The following GABRB1 variants were observed in gnomAD, a reference collection of about 807,000 sequenced individuals.
GABRB1 encodes gamma-aminobutyric acid type A receptor subunit beta1.
In GABRB1, 17 loss-of-function variants were observed where a neutral mutation model predicts 51.6. The observed-to-expected ratio is 0.33, with a 90% CI of 0.23 to 0.49. The LOEUF (loss-of-function observed/expected upper bound fraction) is 0.49. Ranked by LOEUF, GABRB1 falls within the 20% of genes least tolerant of loss-of-function variation. The pLI is 0.99. For missense variants in GABRB1, 410 were observed against 600.6 expected (o/e 0.68, Z 3.32); for synonymous variants, 247 against 218.9 (o/e 1.13, Z -1.14).
intron 5 of GABRB1, among the ~76,000 whole-genome samples, chr4:47,392,297 C>T (rs780157439): frequency 6.6e-6 from 1 of 150,930 alleles, no homozygotes; most frequent in African/African-American, 2.4e-5. Flanking sequence ...CACTACCATG[C>T]TGCAAGAGCC....
chr4:47,151,142 G>A (rs1717427327), intron 3 of GABRB1, among the ~76,000 whole-genome samples: 1 of 151,944 alleles, frequency 6.6e-6, no homozygotes, highest in South Asian at 2.1e-4. Flanking sequence ...TGATATTAAG[G>A]TTTCCAAATG....
chr4:47,054,124 AG>A (rs1331603576), intron 3 of GABRB1, among the ~76,000 whole-genome samples: 2 of 149,268 alleles, frequency 1.3e-5, no homozygotes, highest in Non-Finnish European at 3.0e-5. Context: ...TATTTTAAGA[AG>A]ATGTAAGTAA....
chr4:47,297,649 A>G (rs558862778), intron 4 of GABRB1, among the ~76,000 whole-genome samples: 2 of 152,286 alleles, frequency 1.3e-5, no homozygotes, highest in Admixed American at 1.3e-4. Flanking sequence ...CCAGGACCAG[A>G]TGGATTCACA....
At chr4:47,404,323 A>G (rs1214212401) in intron 7 of GABRB1, among the ~76,000 whole-genome samples, 1 of 152,164 alleles carries the variant, frequency 6.6e-6, no homozygotes. Context: ...TGGTTAATTA[A>G]TTGCTGAAAG....
At chr4:47,388,310 T>A (rs1323441704) in intron 5 of GABRB1, among the ~76,000 whole-genome samples, 1 of 152,164 alleles carries the variant, frequency 6.6e-6, no homozygotes, top group Non-Finnish European at 1.5e-5. Flanking sequence ...ATTAATAGAC[T>A]AGGCAGTGTA....
intron 4 of GABRB1, among the ~76,000 whole-genome samples, chr4:47,241,528 G>T (rs1721522334): frequency 6.6e-6 from 1 of 152,010 alleles, no homozygotes; most frequent in East Asian, 1.9e-4. Context: ...TTTTTCAGAA[G>T]AATTTCACCA....
intron 4 of GABRB1, among the ~76,000 whole-genome samples, chr4:47,201,924 G>T (rs1719912360): frequency 1.3e-5 from 2 of 152,220 alleles, no homozygotes; most frequent in South Asian, 4.1e-4. Context: ...AAGTACTCTT[G>T]TAGCCTTCAG....
chr4:47,260,673 G>C (rs1159700139), intron 4 of GABRB1, among the ~76,000 whole-genome samples: 1 of 152,154 alleles, frequency 6.6e-6, no homozygotes, highest in African/African-American at 2.4e-5. Flanking sequence ...CTTCTGGCTT[G>C]TAGAGTTTCT....
chr4:47,304,587 A>T (rs544716186), intron 4 of GABRB1, among the ~76,000 whole-genome samples: 1 of 152,068 alleles, frequency 6.6e-6, no homozygotes, highest in East Asian at 1.9e-4. Flanking sequence ...GCTGTCTATT[A>T]TCTCTGTTGA....
chr4:47,258,033 T>G (rs1013068531), intron 4 of GABRB1, among the ~76,000 whole-genome samples: 3 of 152,182 alleles, frequency 2.0e-5, no homozygotes, highest in Admixed American at 6.5e-5. Flanking sequence ...GTAATATTTT[T>G]AATGTGTAAA....
chr4:47,087,530 G>A (rs772499810), intron 3 of GABRB1, among the ~76,000 whole-genome samples: 110 of 149,272 alleles, frequency 7.4e-4, no homozygotes, highest in Middle Eastern at 3.4e-3. Flanking sequence ...TGCATCCCCC[G>A]TTAGCACTTT....
intron 4 of GABRB1, among the ~76,000 whole-genome samples, chr4:47,296,725 C>A (rs1388833359): frequency 1.3e-5 from 2 of 152,018 alleles, no homozygotes; most frequent in Non-Finnish European, 2.9e-5. Context: ...ACAAGGATAC[C>A]CAGGAATTGA....
chr4:47,082,286 A>C (rs1301978125), intron 3 of GABRB1, among the ~76,000 whole-genome samples: 1 of 152,056 alleles, frequency 6.6e-6, no homozygotes, highest in Non-Finnish European at 1.5e-5. Context: ...ACTTTGAAAA[A>C]TAAAAGATAA....
chr4:47,376,341 C>A (rs961573134), intron 5 of GABRB1, among the ~76,000 whole-genome samples: 5 of 152,278 alleles, frequency 3.3e-5, no homozygotes, highest in African/African-American at 1.2e-4. Flanking sequence ...CCCAGAGGAT[C>A]TGGCGGTTAA....
intron 4 of GABRB1, among the ~76,000 whole-genome samples, chr4:47,258,166 CATAT>C (rs1176434503): frequency 6.6e-6 from 1 of 152,010 alleles, no homozygotes; most frequent in Non-Finnish European, 1.5e-5. Flanking sequence ...TATAGAGTGT[CATAT>C]ATAGTGACAT....
rs35215831 is a variant in GABRB1, at chr4:47,312,070, T to TGA, written c.462-8056_462-8055insAG. 2.1e-3 allele frequency among the ~76,000 whole-genome samples: 316 copies of TGA among 149,282 alleles called. 3 individuals carry two copies. Among genetic ancestry groups the TGA allele is most frequent in the South Asian group, 4.5e-3 (21 of 4,692 alleles). On this transcript the variant is annotated intron_variant, in intron 4 of 8. Transcript: ENST00000295454. ...GTGTGTGTGTGTGTGTGTGTGTGTG[T>TGA]GCGCGTGCATACAGGCATGCTTGGT...
At chr4:47,131,038 T>G (rs1430801723) in intron 3 of GABRB1, among the ~76,000 whole-genome samples, 1 of 152,224 alleles carries the variant, frequency 6.6e-6, no homozygotes, top group East Asian at 1.9e-4. Context: ...TATAACACAC[T>G]GCCTTGATTT....
intron 4 of GABRB1, among the ~76,000 whole-genome samples, chr4:47,257,335 C>A (rs1261058725): frequency 6.6e-6 from 1 of 152,138 alleles, no homozygotes; most frequent in African/African-American, 2.4e-5. Flanking sequence ...CTCATAGGCT[C>A]CTTACAAAAT....
At chr4:46,996,201 A>G (rs1310550296) in intron 1 of GABRB1, among the ~76,000 whole-genome samples, 1 of 151,890 alleles carries the variant, frequency 6.6e-6, no homozygotes, top group Non-Finnish European at 1.5e-5. Flanking sequence ...GTGAATTATT[A>G]TTATTGTCTG....
Sources: allele counts gnomAD v4.1 joint callset (sites outside exome capture counted in the v4.1 genomes callset), GRCh38; gene constraint gnomAD v4.1.1; transcripts MANE v1.5; gene names NCBI Gene and HGNC (gene_info 2026-07-23, HGNC 2026-07-21).